The following MR1 variants were observed in gnomAD, a reference collection of about 807,000 sequenced individuals.
The protein encoded by MR1 is major histocompatibility complex, class I-related.
MR1 carries 44 observed loss-of-function variants against 37.8 expected under a neutral mutation model. That is an observed-to-expected ratio of 1.16 (90% CI 0.91 to 1.50). MR1 has a LOEUF of 1.50. MR1 is among the 40% of genes most tolerant of loss of function. The pLI is 0.00. For synonymous variants in MR1, 153 were observed against 155.8 expected (o/e 0.98, Z 0.13); for missense variants, 386 against 419.1 (o/e 0.92, Z 0.69).
chr1:181,033,765 A>T (rs1205864358), upstream of MR1: 1 of 395,320 alleles, frequency 2.5e-6, no homozygotes, highest in East Asian at 4.1e-5. Context: ...ATATTTAAAA[A>T]TTGGGAATAG....
chr1:181,051,781 G>A (rs563301191), intron 3 of MR1, among the ~76,000 whole-genome samples: 114 of 152,268 alleles, frequency 7.5e-4, no homozygotes, highest in African/African-American at 2.7e-3. Flanking sequence ...AAGGCAATTC[G>A]GAGCCAAAAC....
At chr1:181,045,645 A>T (rs1336716696) in intron 1 of MR1, among the ~76,000 whole-genome samples, 1 of 152,072 alleles carries the variant, frequency 6.6e-6, no homozygotes, top group Non-Finnish European at 1.5e-5. Flanking sequence ...CTTGGATCCC[A>T]TAACACTGAG....
At chr1:181,049,688 G>T (rs546054744) in intron 2 of MR1, 1 of 477,926 alleles carries the variant, frequency 2.1e-6, no homozygotes, top group Middle Eastern at 5.5e-4. Flanking sequence ...TTTCCCAGGG[G>T]TATTTCTGGC....
At chr1:181,049,981 G>A (rs1377205793) in intron 2 of MR1, 30 bp from the exon 3 acceptor site, 1 of 1,600,524 alleles carries the variant, frequency 6.2e-7, no homozygotes, top group Admixed American at 1.7e-5. Flanking sequence ...TCTCTGTGTG[G>A]ACCCCTCTGG....
At chr1:181,048,301 C>T (rs939488373) in intron 1 of MR1, among the ~76,000 whole-genome samples, 15 of 151,924 alleles carry the variant, frequency 9.9e-5, no homozygotes, top group African/African-American at 2.9e-4. Context: ...TTTGGGAGGC[C>T]GAGGTGTGCA....
chr1:181,035,067 G>A (rs1055045056), intron 1 of MR1, among the ~76,000 whole-genome samples: 2 of 152,082 alleles, frequency 1.3e-5, no homozygotes, highest in African/African-American at 2.4e-5. Context: ...TTGAGAGGCC[G>A]AGGCAGACGG....
rs1657300529 is a variant in MR1 at position 181,036,869 on chromosome 1, CTG to C, written c.67+2796_67+2797del. ...TCCCTAAGAAATCACAGTTATTTGACTGGGAGCCATAGAGAGCTCGGGCAGTA... is the reference window on the plus strand; with the variant it reads ...TCCCTAAGAAATCACAGTTATTTGACGGAGCCATAGAGAGCTCGGGCAGTA... On this transcript the variant is annotated intron_variant, in intron 1 of 5. Transcript: ENST00000367580. The C allele has an allele frequency of 2.0e-5, 3 of 152,198 alleles. No individual in the cohort carries two copies. The South Asian group carries it at 6.2e-4, about 32-fold the overall frequency. 9.4% of individuals were successfully genotyped at this position (152,198 alleles called of 1,614,324 possible).
At chr1:181,045,666 G>A (rs573527891) in intron 1 of MR1, among the ~76,000 whole-genome samples, 41 of 152,172 alleles carry the variant, frequency 2.7e-4, no homozygotes, top group Admixed American at 2.4e-3. Context: ...AGGTGACAGC[G>A]TGCTGGCAGT....
intron 1 of MR1, among the ~76,000 whole-genome samples, chr1:181,043,163 G>C (rs1338818997): frequency 6.6e-6 from 1 of 152,162 alleles, no homozygotes. Flanking sequence ...CTACCCCAGA[G>C]GCTTCCACTG....
chr1:181,040,091 G>T (rs1201416021), intron 1 of MR1, among the ~76,000 whole-genome samples: 1 of 152,142 alleles, frequency 6.6e-6, no homozygotes, highest in African/African-American at 2.4e-5. Context: ...AGCACTATCT[G>T]TCAGAAGCTG....
chr1:181,057,397 A>G lies in MR1; in HGVS notation c.*2132A>G, dbSNP rs551559643. ...GGAATGGTTTCTTCTTACAATCAGA[A>G]TAGTTAGGATGTAATATATTTTTGG... On this transcript the variant is annotated 3_prime_UTR_variant, in exon 6 of 6. Transcript: ENST00000367580. 8 of 152,348 alleles carry G rather than the reference A, an allele frequency of 5.3e-5. No individual in the cohort carries two copies. The highest frequency in any genetic ancestry group is 1.7e-4 in the African/African-American group (7 of 41,584). The allele number at this position is 152,348 out of a possible 1,614,324, so 9.4% of individuals were successfully genotyped here.
At position 181,047,926 on chromosome 1, in the gene MR1, A is replaced by T. The variant is rs373150920; in HGVS notation, c.68-1126A>T. Among the ~76,000 whole-genome samples, 129 of 147,456 alleles carry T rather than the reference A, an allele frequency of 8.7e-4. 1 individual carries two copies. Among genetic ancestry groups the T allele is most frequent in the Non-Finnish European group, 7.8e-4 (52 of 66,884 alleles). ...AAAAAATAAAAAATAAAAAATAAAT[A>T]AAATAAATAGGCCAGGCGCGGTGGC... On this transcript the variant is annotated intron_variant, in intron 1 of 5. Transcript: ENST00000367580.
chr1:181,036,463 AAGAC>A (rs997328897), intron 1 of MR1, among the ~76,000 whole-genome samples: 3 of 152,154 alleles, frequency 2.0e-5, no homozygotes, highest in Non-Finnish European at 4.4e-5. Context: ...ATTATGAAAG[AAGAC>A]TCAGTCTACT....
rs1399744682 is a variant in MR1 at position 181,057,030 on chromosome 1, G to A, written c.*1765G>A. The A allele has an allele frequency of 6.6e-6, 1 of 152,092 alleles. No homozygotes were observed. The highest frequency in any genetic ancestry group is 2.4e-5 in the African/African-American group (1 of 41,360). The allele number at this position is 152,092 out of a possible 1,614,324, so 9.4% of individuals were successfully genotyped here. A position where few individuals can be genotyped will look rare whatever the true frequency, so the allele number is the denominator to read the frequency against. On this transcript the variant is annotated 3_prime_UTR_variant, in exon 6 of 6. Coordinates refer to ENST00000367580, the MANE Select transcript of MR1 (RefSeq NM_001385161.1). ...AGCTACTTGGGAGGCTAAGGCAGGA[G>A]AATCACTTGAATCTATAAGGCAGAG...
At chr1:181,053,492 A>G in intron 4 of MR1, 81 bp from the exon 5 acceptor site, 1 of 1,038,150 alleles carries the variant, frequency 9.6e-7, no homozygotes, top group South Asian at 1.3e-5. Context: ...TTTCCTGATG[A>G]TCACAGGGAC....
chr1:181,053,159 A>G (rs906099002), intron 4 of MR1, among the ~76,000 whole-genome samples: 1 of 152,200 alleles, frequency 6.6e-6, no homozygotes, highest in Admixed American at 6.5e-5. Context: ...ACGCGAGTGA[A>G]CTGCTTGAGC....
chr1:181,036,189 G>A lies in MR1; in HGVS notation c.67+2115G>A, dbSNP rs138644695. ...CTTCCCTGAATAACCCCTTCTTCAT[G>A]GTTCTAGCTCCCATTGGGCTTCAGT... On this transcript the variant is annotated intron_variant, in intron 1 of 5. Coordinates refer to ENST00000367580, the MANE Select transcript of MR1 (RefSeq NM_001385161.1). Among the ~76,000 whole-genome samples, 73 of 152,206 alleles carry A rather than the reference G, an allele frequency of 4.8e-4. 1 individual carries two copies. The highest frequency in any genetic ancestry group is 7.7e-4 in the East Asian group (4 of 5,178).
Position 181,050,184 on chromosome 1 carries a change from A to G in MR1, c.502A>G (p.Asn168Asp). The change falls in exon 3 of 6, where the codon AAT becomes GAT. Residue 168 changes from asparagine (N) to aspartate (D), a missense_variant. Transcript: ENST00000367580. ...CACCATCAAGCAGGCATGGGAGGCC[A>G]ATCAGCATGAGTTGCTGTATCAAAA... Reference protein sequence around the residue: ...AHTIKQAWEANQHELLYQKNW... With the variant: ...AHTIKQAWEADQHELLYQKNW... 6.2e-7 allele frequency: 1 copy of G among 1,614,226 alleles called. No homozygotes were observed. The highest frequency in any genetic ancestry group is 8.5e-7 in the Non-Finnish European group (1 of 1,180,042).
chr1:181,048,127 G>A (rs1234848526), intron 1 of MR1, among the ~76,000 whole-genome samples: 1 of 151,498 alleles, frequency 6.6e-6, no homozygotes, highest in African/African-American at 2.4e-5. Flanking sequence ...CTGGGGCAGA[G>A]AATTGCTTGA....
Sources: gnomAD v4.1 joint callset for allele counts (sites outside exome capture counted in the v4.1 genomes callset) on GRCh38, gnomAD v4.1.1 for gene constraint, MANE v1.5 for transcripts, NCBI Gene and HGNC (gene_info 2026-07-23, HGNC 2026-07-21) for gene names.